B3GNT5: variants seen among roughly 807,000 people sequenced by gnomAD.
B3GNT5 encodes UDP-GlcNAc:betaGal beta-1,3-N-acetylglucosaminyltransferase 5.
Under a neutral mutation model 25.9 loss-of-function variants are expected in B3GNT5, and 11 were observed. That is an observed-to-expected ratio of 0.42 (90% confidence interval 0.27 to 0.70). The LOEUF is 0.70. Ranked by LOEUF, B3GNT5 falls within the 30% of genes least tolerant of loss-of-function variation. The pLI is 0.23. For missense variants in B3GNT5, 385 were observed against 458.4 expected (o/e 0.84, Z 1.46); for synonymous variants, 166 against 158.6 (o/e 1.05, Z -0.35).
chr3:183,255,635 G>A (rs1044462053), intron 1 of B3GNT5, among the ~76,000 whole-genome samples: 13 of 152,204 alleles, frequency 8.5e-5, no homozygotes, highest in African/African-American at 3.1e-4. Flanking sequence ...AGATGAGGAT[G>A]AGTAGGAGGT....
intron 1 of B3GNT5, among the ~76,000 whole-genome samples, chr3:183,268,763 G>A (rs1306487513): frequency 6.6e-6 from 1 of 152,136 alleles, no homozygotes; most frequent in African/African-American, 2.4e-5. Flanking sequence ...GCATGATATG[G>A]TACAAGAAAC....
chr3:183,272,485 T>A lies in B3GNT5; in HGVS notation c.*1550T>A. Reference sequence around the variant, plus strand: ...CAACTGAATGATGATACTTACAATTTTTAGCAGGTAGCTTTTTAATGTTTA... The same window carrying A: ...CAACTGAATGATGATACTTACAATTATTAGCAGGTAGCTTTTTAATGTTTA... On this transcript the variant is annotated 3_prime_UTR_variant, in exon 2 of 2. Coordinates refer to ENST00000326505, the MANE Select transcript of B3GNT5 (RefSeq NM_032047.5). 1.0e-6 allele frequency: 1 copy of A among 998,678 alleles called. No homozygotes were observed. 61.9% of individuals were successfully genotyped at this position (998,678 alleles called of 1,614,324 possible). A position where few individuals can be genotyped will look rare whatever the true frequency, so the allele number is the denominator to read the frequency against.
chr3:183,262,069 T>TTA (rs377071477), intron 1 of B3GNT5, among the ~76,000 whole-genome samples: 1,925 of 147,248 alleles, frequency 0.013, 35 homozygotes, highest in African/African-American at 0.031. Context: ...TGCATATATA[T>TTA]TATATATATA....
chr3:183,268,519 G>A (rs754364770), intron 1 of B3GNT5, among the ~76,000 whole-genome samples: 18 of 151,954 alleles, frequency 1.2e-4, no homozygotes, highest in Non-Finnish European at 2.4e-4. Context: ...TGGGGGGGGC[G>A]GTTCCAGATT....
intron 1 of B3GNT5, among the ~76,000 whole-genome samples, chr3:183,258,648 C>CT (rs1174284066): frequency 6.6e-6 from 1 of 152,196 alleles, no homozygotes; most frequent in Non-Finnish European, 1.5e-5. Flanking sequence ...ACCACCCCCC[C>CT]GCCCCTGATA....
intron 1 of B3GNT5, chr3:183,265,817 G>A (rs1281025104): frequency 6.6e-6 from 1 of 150,768 alleles, no homozygotes; most frequent in East Asian, 1.9e-4. Context: ...TATTATCAGT[G>A]AGATCTGGTT....
At chr3:183,260,352 A>C (rs1725469930) in intron 1 of B3GNT5, among the ~76,000 whole-genome samples, 1 of 152,160 alleles carries the variant, frequency 6.6e-6, no homozygotes, top group South Asian at 2.1e-4. Flanking sequence ...TTTCTTAAGT[A>C]GGCAAGAAAA....
chr3:183,266,497 C>T (rs59153198), intron 1 of B3GNT5, among the ~76,000 whole-genome samples: 2,237 of 152,304 alleles, frequency 0.015, 124 homozygotes, highest in East Asian at 0.12. Flanking sequence ...TGCTTTAAGC[C>T]TCCAGTTCCT....
Position 183,272,984 on chromosome 3 carries a change from GA to G in B3GNT5, c.*2051del. ...ACAAGTTTAAATTTCAAGGAAATAT[GA>G]AGGCACTTCCTTTTTTTCTAAGAAG... On this transcript the variant is annotated 3_prime_UTR_variant, in exon 2 of 2. Coordinates refer to ENST00000326505, the MANE Select transcript of B3GNT5 (RefSeq NM_032047.5). The G allele has an allele frequency of 6.8e-7, 1 of 1,473,572 alleles. No individual in the cohort carries two copies. The allele number at this position is 1,473,572 out of a possible 1,614,324, so 91.3% of individuals were successfully genotyped here. A position where few individuals can be genotyped will look rare whatever the true frequency, so the allele number is the denominator to read the frequency against.
Position 183,269,659 on chromosome 3 carries a change from T to TAAAATAAGAAG in B3GNT5, c.-138_-128dup. ...AATGGGACTAAAAGAAACTATTTTGTAAAATAAGAAGACTTCCATTTTTAA... is the reference window on the plus strand; with the variant it reads ...AATGGGACTAAAAGAAACTATTTTGTAAAATAAGAAGAAAATAAGAAGACTTCCATTTTTAA... On this transcript the variant is annotated 5_prime_UTR_variant, in exon 2 of 2. Coordinates refer to ENST00000326505, the MANE Select transcript of B3GNT5 (RefSeq NM_032047.5). The TAAAATAAGAAG allele has an allele frequency of 1.3e-6, 1 of 755,514 alleles. No homozygotes were observed. Among genetic ancestry groups the TAAAATAAGAAG allele is most frequent in the Non-Finnish European group, 2.1e-6 (1 of 484,026 alleles). The allele number at this position is 755,514 out of a possible 1,614,324, so 46.8% of individuals were successfully genotyped here.
At chr3:183,259,319 G>A (rs2108411297) in intron 1 of B3GNT5, among the ~76,000 whole-genome samples, 1 of 152,220 alleles carries the variant, frequency 6.6e-6, no homozygotes, top group East Asian at 1.9e-4. Flanking sequence ...GCAGGGGTGG[G>A]GCTAGGAGTA....
At chr3:183,268,660 G>A (rs1726397437) in intron 1 of B3GNT5, among the ~76,000 whole-genome samples, 1 of 152,150 alleles carries the variant, frequency 6.6e-6, no homozygotes, top group Admixed American at 6.5e-5. Context: ...GTAATCATCT[G>A]TCTACTTCCC....
chr3:183,254,057 G>C (rs1484933597), intron 1 of B3GNT5: 8 of 151,934 alleles, frequency 5.3e-5, no homozygotes, highest in Non-Finnish European at 8.8e-5. Flanking sequence ...GCTGCGGGCC[G>C]GCCCCTCCGC....
At chr3:183,257,638 G>A (rs1725163662) in intron 1 of B3GNT5, among the ~76,000 whole-genome samples, 1 of 152,058 alleles carries the variant, frequency 6.6e-6, no homozygotes, top group Admixed American at 6.6e-5. Context: ...TTGTACCTCT[G>A]TGTTATAAAC....
intron 1 of B3GNT5, among the ~76,000 whole-genome samples, chr3:183,255,648 A>G (rs1724974589): frequency 6.6e-6 from 1 of 152,182 alleles, no homozygotes; most frequent in Admixed American, 6.5e-5. Context: ...TAGGAGGTAG[A>G]GATGCTTATA....
intron 1 of B3GNT5, among the ~76,000 whole-genome samples, chr3:183,258,990 G>GA (rs986845472): frequency 1.6e-4 from 25 of 152,064 alleles, no homozygotes; most frequent in African/African-American, 5.5e-4. Flanking sequence ...ATAATGACAA[G>GA]AAAAAAATGT....
intron 1 of B3GNT5, among the ~76,000 whole-genome samples, chr3:183,261,169 G>A (rs926108558): frequency 3.9e-5 from 6 of 152,100 alleles, no homozygotes; most frequent in African/African-American, 9.7e-5. Context: ...TCTTAACACC[G>A]ATTATTGTAA....
At position 183,272,730 on chromosome 3, in the gene B3GNT5, T is replaced by A. The variant is rs940237909; in HGVS notation, c.*1795T>A. On this transcript the variant is annotated 3_prime_UTR_variant, in exon 2 of 2. Coordinates refer to ENST00000326505, the MANE Select transcript of B3GNT5 (RefSeq NM_032047.5). The stretch of plus-strand genomic sequence containing the variant: ...CATATTTGACCAAGCAACAAGCTTA[T>A]AATTAATTTTTATTAGTTGATTGAT... 8 of 1,037,038 alleles carry A rather than the reference T, an allele frequency of 7.7e-6. No individual in the cohort carries two copies. The highest frequency in any genetic ancestry group is 6.8e-5 in the African/African-American group (4 of 58,842). The allele number at this position is 1,037,038 out of a possible 1,614,324, so 64.2% of individuals were successfully genotyped here. A position where few individuals can be genotyped will look rare whatever the true frequency, so the allele number is the denominator to read the frequency against.
intron 1 of B3GNT5, among the ~76,000 whole-genome samples, chr3:183,259,224 T>C (rs1040612342): frequency 7.2e-5 from 11 of 152,228 alleles, no homozygotes; most frequent in African/African-American, 2.7e-4. Flanking sequence ...TCAAGAATGT[T>C]TGAAAAATTC....
Sources: gnomAD v4.1 joint callset for allele counts (sites outside exome capture counted in the v4.1 genomes callset) on GRCh38, gnomAD v4.1.1 for gene constraint, MANE v1.5 for transcripts, NCBI Gene and HGNC (gene_info 2026-07-23, HGNC 2026-07-21) for gene names.